Variants in NELL1 observed in about 807,000 individuals in gnomAD.
NELL1 encodes the protein protein kinase C-binding protein NELL1.
In NELL1, 76 loss-of-function variants were observed where a neutral mutation model predicts 107.4. The observed-to-expected ratio is 0.71, with a 90% CI of 0.59 to 0.86. NELL1 has a LOEUF of 0.86. Ranked by LOEUF, NELL1 falls within the 40% of genes least tolerant of loss-of-function variation. NELL1 has a pLI of 0.00. For synonymous variants in NELL1, 353 were observed against 341.2 expected (o/e 1.03, Z -0.38); for missense variants, 1,024 against 1,005.5 (o/e 1.02, Z -0.25).
intron 2 of NELL1, among the ~76,000 whole-genome samples, chr11:20,691,322 T>A (rs1449112111): frequency 1.3e-5 from 2 of 151,266 alleles, no homozygotes; most frequent in African/African-American, 2.4e-5. Context: ...AACACTATGT[T>A]GAATAGGAGT....
chr11:21,072,598 A>T lies in NELL1; in HGVS notation c.1301-40991A>T, dbSNP rs554762684. Among the ~76,000 whole-genome samples the T allele has an allele frequency of 1.9e-3, 292 of 152,298 alleles. 1 individual carries two copies. The highest frequency in any genetic ancestry group is 3.4e-3 in the Non-Finnish European group (231 of 68,014). On this transcript the variant is annotated intron_variant, in intron 12 of 19. Transcript: ENST00000357134. ...GGATAGGAGAAATAAGACATGACAG[A>T]CTAAAGATAGGTGGTTAAGTTGTAA...
intron 16 of NELL1, among the ~76,000 whole-genome samples, chr11:21,543,773 G>A (rs1022409449): frequency 6.6e-6 from 1 of 151,884 alleles, no homozygotes; most frequent in African/African-American, 2.4e-5. Context: ...CCTCCGTTTC[G>A]ATGATAATCA....
At chr11:21,017,220 G>A (rs1176136746) in intron 12 of NELL1, among the ~76,000 whole-genome samples, 1 of 152,092 alleles carries the variant, frequency 6.6e-6, no homozygotes, top group East Asian at 1.9e-4. Flanking sequence ...TTCTCCAGAA[G>A]CTGTTGCAGC....
At chr11:20,854,279 G>A (rs1472227486) in intron 4 of NELL1, among the ~76,000 whole-genome samples, 1 of 152,132 alleles carries the variant, frequency 6.6e-6, no homozygotes, top group African/African-American at 2.4e-5. Context: ...CTGGGCTTTA[G>A]CTTCCTAAGT....
chr11:21,129,648 G>A (rs1855570253), intron 13 of NELL1, among the ~76,000 whole-genome samples: 1 of 152,206 alleles, frequency 6.6e-6, no homozygotes, highest in Admixed American at 6.5e-5. Context: ...AGGAAGATAA[G>A]CCAGTCAGAA....
At chr11:20,679,888 A>G (rs1484089372) in intron 2 of NELL1, among the ~76,000 whole-genome samples, 2 of 152,144 alleles carry the variant, frequency 1.3e-5, no homozygotes, top group Admixed American at 6.6e-5. Flanking sequence ...CTTATAAAAA[A>G]CTTACTGCTT....
chr11:20,801,438 A>G (rs1403258876), intron 3 of NELL1, among the ~76,000 whole-genome samples: 2 of 152,082 alleles, frequency 1.3e-5, no homozygotes, highest in Non-Finnish European at 2.9e-5. Flanking sequence ...TTTTTTCCCC[A>G]TAGAGTTGTT....
intron 10 of NELL1, among the ~76,000 whole-genome samples, chr11:20,943,928 G>A (rs890714111): frequency 4.6e-5 from 7 of 152,192 alleles, no homozygotes; most frequent in Non-Finnish European, 1.0e-4. Flanking sequence ...GATAAAGGTA[G>A]CATTTATAAA....
At chr11:21,157,866 T>TA (rs1381210758) in intron 13 of NELL1, among the ~76,000 whole-genome samples, 5 of 152,112 alleles carry the variant, frequency 3.3e-5, no homozygotes, top group African/African-American at 4.8e-5. Flanking sequence ...CTTATATGAG[T>TA]TGTATAATGG....
In NELL1 at chr11:20,788,212, G is replaced by A. The variant is rs1440862969; in HGVS notation, c.335+4382G>A. 2.6e-5 allele frequency among the ~76,000 whole-genome samples: 4 copies of A among 152,108 alleles called. No homozygotes were observed. The East Asian group carries it at 7.7e-4, about 29-fold the overall frequency. On this transcript the variant is annotated intron_variant, in intron 3 of 19. Transcript: ENST00000357134. ...TGTGGACATGTTTTTATTTCCTTGG[G>A]TATATGACTAGGACTGGAATTGCTG...
chr11:21,335,758 A>G (rs1850376485), intron 14 of NELL1, among the ~76,000 whole-genome samples: 1 of 152,054 alleles, frequency 6.6e-6, no homozygotes, highest in Non-Finnish European at 1.5e-5. Context: ...TGGTCAAGCC[A>G]TTATGTTTTG....
At chr11:21,068,032 CAAAAAA>C (rs1195285619) in intron 12 of NELL1, among the ~76,000 whole-genome samples, 3 of 40,386 alleles carry the variant, frequency 7.4e-5, no homozygotes, top group East Asian at 8.8e-4. Context: ...GATGCCATCT[CAAAAAA>C]AAAAAAAAAA....
At chr11:21,306,633 A>T (rs1849610552) in intron 14 of NELL1, among the ~76,000 whole-genome samples, 1 of 152,062 alleles carries the variant, frequency 6.6e-6, no homozygotes, top group Non-Finnish European at 1.5e-5. Context: ...CTTTACTCAG[A>T]TGAAACTCTC....
At chr11:21,327,164 T>G (rs143743786) in intron 14 of NELL1, among the ~76,000 whole-genome samples, 30,862 of 91,814 alleles carry the variant, frequency 0.34, 5,708 homozygotes, top group Admixed American at 0.4. Context: ...GATCTGATGT[T>G]TTTTTTTTTT....
Position 21,290,398 on chromosome 11 carries a change from G to GATAGATAAATAA in NELL1, c.1549+60947_1549+60948insGATAAATAAATA, listed in dbSNP as rs1554995056. On this transcript the variant is annotated intron_variant, in intron 14 of 19. Coordinates refer to ENST00000357134, the MANE Select transcript of NELL1 (RefSeq NM_006157.5). ...AATAAATAAATAAATAAAATAAATA[G>GATAGATAAATAA]ATAAATAAATAAATAAATAAATAAA... 4.8e-4 allele frequency among the ~76,000 whole-genome samples: 71 copies of GATAGATAAATAA among 146,444 alleles called. No individual in the cohort carries two copies. The East Asian group carries it at 0.013, about 27-fold the overall frequency.
chr11:21,003,183 C>T (rs1464460157), intron 12 of NELL1, among the ~76,000 whole-genome samples: 2 of 152,150 alleles, frequency 1.3e-5, no homozygotes, highest in South Asian at 2.1e-4. Context: ...TAGTCTCCAA[C>T]TTCAGGATGC....
At chr11:21,494,613 A>C (rs563262269) in intron 15 of NELL1, among the ~76,000 whole-genome samples, 1 of 151,956 alleles carries the variant, frequency 6.6e-6, no homozygotes, top group Non-Finnish European at 1.5e-5. Flanking sequence ...TCAGCAACTT[A>C]TTCTACTCCT....
intron 14 of NELL1, among the ~76,000 whole-genome samples, chr11:21,326,500 TA>T (rs910644199): frequency 1.3e-5 from 2 of 152,106 alleles, no homozygotes; most frequent in Non-Finnish European, 2.9e-5. Context: ...ATACATGATT[TA>T]AAAAAATTTT....
At chr11:21,520,177 A>G (rs1208334884) in intron 15 of NELL1, among the ~76,000 whole-genome samples, 1 of 152,212 alleles carries the variant, frequency 6.6e-6, no homozygotes, top group Admixed American at 6.5e-5. Context: ...AAGAGGCCTA[A>G]GGGACATCTG....
Sources: allele counts gnomAD v4.1 joint callset (sites outside exome capture counted in the v4.1 genomes callset), GRCh38; gene constraint gnomAD v4.1.1; transcripts MANE v1.5; gene names NCBI Gene and HGNC (gene_info 2026-07-23, HGNC 2026-07-21).